CDC5L: variants seen among roughly 807,000 people sequenced by gnomAD.
The protein encoded by CDC5L is cell division cycle 5-like protein.
In CDC5L, 18 loss-of-function variants were observed where a neutral mutation model predicts 104.1. That is an observed-to-expected ratio of 0.17 (90% CI 0.12 to 0.26). The LOEUF (loss-of-function observed/expected upper bound fraction) is 0.26, where lower values mean the gene tolerates loss of function less well. Among genes scored for constraint, CDC5L ranks in the 10% least tolerant of loss-of-function variants. The pLI is 1.00. For synonymous variants in CDC5L, 331 were observed against 322.7 expected, an observed-to-expected ratio of 1.03 and a Z score of -0.28; for missense variants, 673 against 956.9, an observed-to-expected ratio of 0.70 and a Z score of 3.91.
chr6:44,388,952 A>T (rs1351325253), intron 1 of CDC5L, among the ~76,000 whole-genome samples: 1 of 151,944 alleles, frequency 6.6e-6, no homozygotes, highest in Non-Finnish European at 1.5e-5. Flanking sequence ...ACCTCTCTTG[A>T]GGATTACACG....
intron 14 of CDC5L, among the ~76,000 whole-genome samples, chr6:44,437,008 G>A (rs918192870): frequency 6.6e-6 from 1 of 152,222 alleles, no homozygotes; most frequent in Non-Finnish European, 1.5e-5. Context: ...GGCTTCTAAA[G>A]TAAGGTGTCC....
intron 8 of CDC5L, among the ~76,000 whole-genome samples, chr6:44,410,680 G>A (rs544264174): frequency 6.6e-6 from 1 of 152,010 alleles, no homozygotes; most frequent in Admixed American, 6.6e-5. Flanking sequence ...AGTAAACCTC[G>A]TTTTTTCTTT....
At chr6:44,425,371 A>G (rs1372483540) in intron 11 of CDC5L, among the ~76,000 whole-genome samples, 1 of 152,198 alleles carries the variant, frequency 6.6e-6, no homozygotes, top group African/African-American at 2.4e-5. Flanking sequence ...ATTTCTAGTA[A>G]GGAATACTCA....
chr6:44,387,725 G>A lies in CDC5L; in HGVS notation c.-99G>A. 1 of 1,068,136 alleles carries A rather than the reference G, an allele frequency of 9.4e-7. No homozygotes were observed. Among genetic ancestry groups the A allele is most frequent in the East Asian group, 2.6e-5 (1 of 38,524 alleles). The allele number at this position is 1,068,136 out of a possible 1,614,324, so 66.2% of individuals were successfully genotyped here. A position where few individuals can be genotyped will look rare whatever the true frequency, so the allele number is the denominator to read the frequency against. The stretch of plus-strand genomic sequence containing the variant: ...GCAGATCTTCAAAGCAGAAGGTCGC[G>A]CTTGGAGGAAGTGGCGGCTTTGAGT... On this transcript the variant is annotated 5_prime_UTR_variant, in exon 1 of 16. Coordinates refer to ENST00000371477, the MANE Select transcript of CDC5L (RefSeq NM_001253.4).
intron 14 of CDC5L, among the ~76,000 whole-genome samples, chr6:44,430,305 C>G (rs964835247): frequency 1.3e-5 from 2 of 151,324 alleles, no homozygotes; most frequent in Admixed American, 1.3e-4. Context: ...CTTTTTATAA[C>G]AAAGAGAGTA....
chr6:44,437,440 A>G (rs909390252), intron 14 of CDC5L, among the ~76,000 whole-genome samples: 6 of 152,192 alleles, frequency 3.9e-5, no homozygotes, highest in African/African-American at 1.4e-4. Context: ...TTTAATGACT[A>G]TATAGTTATT....
intron 8 of CDC5L, among the ~76,000 whole-genome samples, chr6:44,413,575 G>A (rs569656680): frequency 1.3e-5 from 2 of 152,180 alleles, no homozygotes; most frequent in African/African-American, 4.8e-5. Flanking sequence ...TTCCAAAGTC[G>A]CTGCACCATT....
intron 8 of CDC5L, among the ~76,000 whole-genome samples, chr6:44,411,734 A>G (rs1446598438): frequency 6.6e-6 from 1 of 152,056 alleles, no homozygotes; most frequent in Non-Finnish European, 1.5e-5. Flanking sequence ...AGTTTACAAA[A>G]TTATGGCACA....
intron 14 of CDC5L, among the ~76,000 whole-genome samples, chr6:44,437,672 C>G (rs1459159624): frequency 6.6e-6 from 1 of 152,048 alleles, no homozygotes; most frequent in Non-Finnish European, 1.5e-5. Flanking sequence ...TGAGGTAATT[C>G]CAAGATACAG....
Position 44,426,052 on chromosome 6 carries a change from G to A in CDC5L, c.1570-51G>A, listed in dbSNP as rs372855710. ...CAAAGTGTTTTTAGCTTTACTGAGA[G>A]ATATCAAATACGCTATAGCTGCAAT... On this transcript the variant is annotated intron_variant, in intron 11 of 15. Coordinates refer to ENST00000371477, the MANE Select transcript of CDC5L (RefSeq NM_001253.4). 4 of 1,224,292 alleles carry A rather than the reference G, an allele frequency of 3.3e-6. No homozygotes were observed. The South Asian group carries it at 4.1e-5, about 13-fold the overall frequency. The allele number at this position is 1,224,292 out of a possible 1,614,324, so 75.8% of individuals were successfully genotyped here.
At chr6:44,420,206 T>C (rs889972248) in intron 9 of CDC5L, among the ~76,000 whole-genome samples, 3 of 152,154 alleles carry the variant, frequency 2.0e-5, no homozygotes, top group African/African-American at 7.2e-5. Context: ...GGAACCCTCA[T>C]GCGCGTATGC....
At chr6:44,427,090 G>A (rs1474473939) in intron 13 of CDC5L, among the ~76,000 whole-genome samples, 1 of 152,148 alleles carries the variant, frequency 6.6e-6, no homozygotes, top group Non-Finnish European at 1.5e-5. Flanking sequence ...AATATGAAGA[G>A]GTGAGAGAGA....
intron 14 of CDC5L, among the ~76,000 whole-genome samples, chr6:44,442,357 C>T (rs914181871): frequency 6.8e-6 from 1 of 147,632 alleles, no homozygotes; most frequent in Non-Finnish European, 1.5e-5. Flanking sequence ...TCCTCTCTTG[C>T]TTGTGTGTGT....
At chr6:44,404,698 A>AG (rs1287187581) in intron 6 of CDC5L, among the ~76,000 whole-genome samples, 1 of 151,982 alleles carries the variant, frequency 6.6e-6, no homozygotes, top group Non-Finnish European at 1.5e-5. Flanking sequence ...GCCTTAAAAA[A>AG]CAATTTTTTT....
Position 44,390,309 on chromosome 6 carries a change from T to C in CDC5L, c.87T>C (p.Asn29=). Residue 29 remains asparagine (N), a synonymous_variant, in exon 2 of 16, where the codon AAT becomes AAC. Coordinates refer to ENST00000371477, the MANE Select transcript of CDC5L (RefSeq NM_001253.4). ...CAGCGGTAATGAAATATGGGAAAAA[T>C]CAGTGGTCTAGGATTGCCTCATTGC... ...LKAAVMKYGK[N]QWSRIASLLH... is the part of the protein sequence containing the mutation. 1 of 1,613,622 alleles carries C rather than the reference T, an allele frequency of 6.2e-7. No individual in the cohort carries two copies. Among genetic ancestry groups the C allele is most frequent in the Non-Finnish European group, 8.5e-7 (1 of 1,179,724 alleles).
rs763620230 is a variant in CDC5L, at chr6:44,448,006, G to A, written c.*1295G>A. On this transcript the variant is annotated 3_prime_UTR_variant, in exon 16 of 16. Transcript: ENST00000371477. ...CTATTTTAGACTGGACGATCAAAGA[G>A]ACCTCTTGGAAGGCAGCTATGCTCA... 3 of 152,184 alleles carry A rather than the reference G, an allele frequency of 2.0e-5. No homozygotes were observed. Among genetic ancestry groups the A allele is most frequent in the Non-Finnish European group, 2.9e-5 (2 of 68,042 alleles). 9.4% of individuals were successfully genotyped at this position (152,184 alleles called of 1,614,324 possible). A position where few individuals can be genotyped will look rare whatever the true frequency, so the allele number is the denominator to read the frequency against.
intron 4 of CDC5L, among the ~76,000 whole-genome samples, chr6:44,394,430 A>G (rs1040296980): frequency 6.6e-6 from 1 of 152,194 alleles, no homozygotes; most frequent in Non-Finnish European, 1.5e-5. Context: ...CAAGTTATTT[A>G]TTCTGTGTGA....
chr6:44,420,708 T>G (rs1235346671), intron 9 of CDC5L, among the ~76,000 whole-genome samples: 4 of 152,164 alleles, frequency 2.6e-5, no homozygotes, highest in Non-Finnish European at 5.9e-5. Context: ...AAACGCTCAT[T>G]GAAACGTTTC....
At chr6:44,444,836 G>A (rs1157094185) in intron 14 of CDC5L, among the ~76,000 whole-genome samples, 2 of 152,122 alleles carry the variant, frequency 1.3e-5, no homozygotes, top group Non-Finnish European at 2.9e-5. Context: ...GGCATTTGAT[G>A]TGTGGACAGA....
Sources: allele counts gnomAD v4.1 joint callset (sites outside exome capture counted in the v4.1 genomes callset), GRCh38; gene constraint gnomAD v4.1.1; transcripts MANE v1.5; gene names NCBI Gene and HGNC (gene_info 2026-07-23, HGNC 2026-07-21).